Variants in UBE2F observed in about 807,000 individuals in gnomAD.
UBE2F encodes the protein ubiquitin conjugating enzyme E2 F (putative).
UBE2F carries 5 observed loss-of-function variants against 29.6 expected under a neutral mutation model. That is an observed-to-expected ratio of 0.17 (90% CI 0.09 to 0.36). The LOEUF is 0.36. Among genes scored for constraint, UBE2F ranks in the 10% least tolerant of loss-of-function variants. The pLI, the probability that UBE2F is intolerant of heterozygous loss-of-function variation, is 1.00. For missense variants in UBE2F, 141 were observed against 228.5 expected (o/e 0.62, Z 2.47); for synonymous variants, 66 against 81.8 (o/e 0.81, Z 1.04).
chr2:238,003,558 A>G, intron 4 of UBE2F: 1 of 303,166 alleles, frequency 3.3e-6, no homozygotes, highest in Non-Finnish European at 7.0e-6. Context: ...TTTAAAAACC[A>G]TTCATTTCCA....
chr2:238,028,136 C>T (rs572564671), intron 6 of UBE2F, among the ~76,000 whole-genome samples: 1 of 152,358 alleles, frequency 6.6e-6, no homozygotes, highest in Admixed American at 6.5e-5. Context: ...CAGGCTAGAA[C>T]TTCCTCAGTG....
At chr2:238,024,080 C>G (rs1280356679) in intron 5 of UBE2F, among the ~76,000 whole-genome samples, 1 of 152,156 alleles carries the variant, frequency 6.6e-6, no homozygotes, top group Non-Finnish European at 1.5e-5. Flanking sequence ...ATATGTAGCA[C>G]AGCTTTCTTC....
intron 4 of UBE2F, among the ~76,000 whole-genome samples, chr2:238,009,655 G>T (rs942763704): frequency 2.0e-5 from 3 of 152,138 alleles, no homozygotes; most frequent in Non-Finnish European, 4.4e-5. Flanking sequence ...CTGCAGCCCT[G>T]CATCCCAGAG....
intron 6 of UBE2F, among the ~76,000 whole-genome samples, chr2:238,029,595 C>CAA (rs10557852): frequency 1.5e-5 from 2 of 134,966 alleles, no homozygotes; most frequent in African/African-American, 5.5e-5. Flanking sequence ...GACTCCGTCT[C>CAA]AAAAAAAAAA....
intron 3 of UBE2F, among the ~76,000 whole-genome samples, chr2:237,994,195 C>G (rs1169562376): frequency 6.6e-6 from 1 of 151,222 alleles, no homozygotes; most frequent in Non-Finnish European, 1.5e-5. Flanking sequence ...ACTGCAACCT[C>G]CATCTCCTGG....
chr2:237,984,364 G>A (rs950694152), intron 2 of UBE2F, among the ~76,000 whole-genome samples: 4 of 152,208 alleles, frequency 2.6e-5, no homozygotes, highest in Non-Finnish European at 5.9e-5. Context: ...CCACGCTCCT[G>A]TTTCTGTTTT....
At chr2:237,978,998 A>C (rs1411849587) in intron 2 of UBE2F, among the ~76,000 whole-genome samples, 2 of 151,996 alleles carry the variant, frequency 1.3e-5, no homozygotes, top group African/African-American at 4.8e-5. Flanking sequence ...CTGTTCTTTC[A>C]CTTGTTCACC....
chr2:238,036,829 A>C (rs2064722753), intron 9 of UBE2F, among the ~76,000 whole-genome samples: 1 of 152,064 alleles, frequency 6.6e-6, no homozygotes, highest in Non-Finnish European at 1.5e-5. Flanking sequence ...TAAATACATA[A>C]ATAAGTAAAT....
At chr2:237,980,171 C>T (rs2063351937) in intron 2 of UBE2F, among the ~76,000 whole-genome samples, 1 of 152,258 alleles carries the variant, frequency 6.6e-6, no homozygotes, top group South Asian at 2.1e-4. Context: ...CTGTCTCTAC[C>T]TAGGTTGAAG....
intron 2 of UBE2F, among the ~76,000 whole-genome samples, chr2:237,978,565 G>T (rs1265242450): frequency 6.6e-6 from 1 of 152,210 alleles, no homozygotes; most frequent in Non-Finnish European, 1.5e-5. Flanking sequence ...CCTCCAGATG[G>T]CCGCAAGGGC....
At chr2:237,977,480 C>T (rs937188386) in intron 2 of UBE2F, among the ~76,000 whole-genome samples, 12 of 152,154 alleles carry the variant, frequency 7.9e-5, no homozygotes, top group African/African-American at 2.9e-4. Flanking sequence ...AAGGGTGGGC[C>T]TGATCTGAGA....
At chr2:238,004,243 C>G (rs1188087843) in intron 4 of UBE2F, among the ~76,000 whole-genome samples, 1 of 152,160 alleles carries the variant, frequency 6.6e-6, no homozygotes, top group Non-Finnish European at 1.5e-5. Flanking sequence ...TATGAGAATT[C>G]TAGTTGCTCT....
chr2:237,984,324 C>A (rs1442717332), intron 2 of UBE2F, among the ~76,000 whole-genome samples: 1 of 152,336 alleles, frequency 6.6e-6, no homozygotes, highest in South Asian at 2.1e-4. Context: ...AGTTTAGAAA[C>A]TTCTGTTCAG....
intron 4 of UBE2F, among the ~76,000 whole-genome samples, chr2:238,004,946 A>G (rs1159931635): frequency 1.3e-5 from 2 of 152,200 alleles, no homozygotes; most frequent in African/African-American, 4.8e-5. Context: ...CTGACCGCTG[A>G]TAGTGCAAAG....
chr2:237,993,411 G>A (rs549248579), intron 3 of UBE2F, among the ~76,000 whole-genome samples: 145 of 152,312 alleles, frequency 9.5e-4, no homozygotes, highest in African/African-American at 3.3e-3. Flanking sequence ...CACCAGTGGT[G>A]AACTGAGAAG....
intron 8 of UBE2F, among the ~76,000 whole-genome samples, chr2:238,034,110 C>T (rs2064648931): frequency 6.6e-6 from 1 of 151,808 alleles, no homozygotes; most frequent in Non-Finnish European, 1.5e-5. Context: ...AGGAAAGAAA[C>T]ACTGGCTCCT....
intron 2 of UBE2F, among the ~76,000 whole-genome samples, chr2:237,978,896 C>T (rs1347873384): frequency 6.6e-6 from 1 of 152,170 alleles, no homozygotes; most frequent in Non-Finnish European, 1.5e-5. Flanking sequence ...TCCCTACCCC[C>T]CAAACACCCC....
intron 4 of UBE2F, among the ~76,000 whole-genome samples, chr2:238,008,140 T>C (rs1458495192): frequency 6.6e-6 from 1 of 150,490 alleles, no homozygotes; most frequent in Non-Finnish European, 1.5e-5. Context: ...CATGTCCAGC[T>C]AATTATTTTT....
intron 4 of UBE2F, among the ~76,000 whole-genome samples, chr2:238,000,809 G>T (rs1204734034): frequency 1.3e-5 from 2 of 152,054 alleles, no homozygotes; most frequent in African/African-American, 4.8e-5. Flanking sequence ...TATTCTTACT[G>T]ACAACTGGTA....
Sources: allele counts gnomAD v4.1 joint callset (sites outside exome capture counted in the v4.1 genomes callset), GRCh38; gene constraint gnomAD v4.1.1; transcripts MANE v1.5; gene names NCBI Gene and HGNC (gene_info 2026-07-23, HGNC 2026-07-21).